Variants in RALYL observed in about 807,000 individuals in gnomAD.
RALYL encodes the protein RALY RNA binding protein like.
Under a neutral mutation model 35.1 loss-of-function variants are expected in RALYL, and 29 were observed. That is an observed-to-expected ratio of 0.83 (90% confidence interval 0.61 to 1.13). The LOEUF is 1.13. Ranked by LOEUF, RALYL falls within the 50% of genes most tolerant of loss-of-function variation. RALYL has a pLI of 0.00. For synonymous variants in RALYL, 120 were observed against 127.6 expected, an observed-to-expected ratio of 0.94 and a Z score of 0.40; for missense variants, 359 against 360.4, an observed-to-expected ratio of 1.00 and a Z score of 0.03.
At chr8:84,811,398 G>T (rs758798509) in intron 4 of RALYL, among the ~76,000 whole-genome samples, 18 of 152,124 alleles carry the variant, frequency 1.2e-4, no homozygotes, top group Non-Finnish European at 2.1e-4. Flanking sequence ...TAATCTGATA[G>T]GTTTTCCTTT....
chr8:84,345,355 A>G (rs1325214083), intron 1 of RALYL, among the ~76,000 whole-genome samples: 4 of 151,988 alleles, frequency 2.6e-5, no homozygotes, highest in Non-Finnish European at 5.9e-5. Context: ...ATTAGAAAGT[A>G]TTACCCTCCC....
chr8:84,650,219 A>G (rs551380721), intron 2 of RALYL, among the ~76,000 whole-genome samples: 53 of 152,116 alleles, frequency 3.5e-4, no homozygotes, highest in African/African-American at 1.2e-3. Context: ...CAATCATGTC[A>G]TCTGCAAACA....
chr8:84,904,522 A>G (rs1199744613), intron 8 of RALYL, among the ~76,000 whole-genome samples: 2 of 152,190 alleles, frequency 1.3e-5, no homozygotes. Flanking sequence ...ATTTCAAAAT[A>G]TGTGAACACA....
intron 2 of RALYL, among the ~76,000 whole-genome samples, chr8:84,689,638 C>T (rs1416349647): frequency 2.0e-5 from 3 of 152,038 alleles, no homozygotes; most frequent in African/African-American, 2.4e-5. Context: ...TTCTAGATCC[C>T]TGAGGAATCA....
At chr8:84,782,493 T>C (rs1372603888) in intron 3 of RALYL, among the ~76,000 whole-genome samples, 1 of 152,232 alleles carries the variant, frequency 6.6e-6, no homozygotes, top group Non-Finnish European at 1.5e-5. Context: ...CAGGTGCCAA[T>C]GAAGACAGGC....
intron 8 of RALYL, among the ~76,000 whole-genome samples, chr8:84,914,215 G>A (rs1172295961): frequency 4.6e-5 from 7 of 152,074 alleles, no homozygotes; most frequent in African/African-American, 1.4e-4. Flanking sequence ...AAATTTCAAA[G>A]TTCATAATCT....
chr8:84,325,055 G>A (rs1299012832), intron 1 of RALYL, among the ~76,000 whole-genome samples: 1 of 152,064 alleles, frequency 6.6e-6, no homozygotes. Flanking sequence ...CATAAAGATT[G>A]TTGTACTAGT....
At chr8:84,684,923 G>A (rs1434003776) in intron 2 of RALYL, among the ~76,000 whole-genome samples, 2 of 152,246 alleles carry the variant, frequency 1.3e-5, no homozygotes, top group Middle Eastern at 3.4e-3. Flanking sequence ...TCATCCAGGG[G>A]CTGGCAAAGC....
At chr8:84,401,582 G>A (rs2042903173) in intron 1 of RALYL, among the ~76,000 whole-genome samples, 1 of 135,594 alleles carries the variant, frequency 7.4e-6, no homozygotes, top group Non-Finnish European at 1.5e-5. Flanking sequence ...AGCTTGCAGT[G>A]AGCCCAGATA....
intron 1 of RALYL, among the ~76,000 whole-genome samples, chr8:84,449,171 AC>A (rs1273435006): frequency 6.6e-6 from 1 of 150,978 alleles, no homozygotes; most frequent in East Asian, 2.0e-4. Flanking sequence ...AGTTTGGGTC[AC>A]CTAAAATCTG....
chr8:84,239,841 G>A (rs761098045), intron 1 of RALYL, among the ~76,000 whole-genome samples: 2 of 152,076 alleles, frequency 1.3e-5, no homozygotes, highest in Admixed American at 6.6e-5. Flanking sequence ...CTGTGAAGCC[G>A]AGATCGCGCC....
intron 2 of RALYL, among the ~76,000 whole-genome samples, chr8:84,772,934 T>G (rs1341532506): frequency 1.3e-5 from 2 of 152,168 alleles, no homozygotes; most frequent in Non-Finnish European, 2.9e-5. Context: ...TAGACATCAT[T>G]TCTTGAAGCA....
intron 1 of RALYL, among the ~76,000 whole-genome samples, chr8:84,469,759 G>T (rs1476593239): frequency 3.9e-5 from 6 of 152,292 alleles, no homozygotes; most frequent in African/African-American, 1.4e-4. Flanking sequence ...CTTGCAGTTT[G>T]ATCTCAGACT....
At chr8:84,578,043 C>A (rs1243318142) in intron 2 of RALYL, among the ~76,000 whole-genome samples, 1 of 152,208 alleles carries the variant, frequency 6.6e-6, no homozygotes, top group East Asian at 1.9e-4. Flanking sequence ...CTCAGCCTGG[C>A]AAGTGCACTC....
At chr8:84,864,725 T>A (rs1838831198) in intron 6 of RALYL, 3 of 566,104 alleles carry the variant, frequency 5.3e-6, no homozygotes, top group South Asian at 4.9e-5. Flanking sequence ...GATACTTGAG[T>A]CAGGGAGCTT....
intron 1 of RALYL, among the ~76,000 whole-genome samples, chr8:84,202,588 G>A (rs1817133643): frequency 6.6e-6 from 1 of 151,922 alleles, no homozygotes; most frequent in Admixed American, 6.6e-5. Context: ...TGGCCAGGCT[G>A]GTCTTGAATT....
Position 84,425,345 on chromosome 8 carries a change from G to A in RALYL, c.-23-103954G>A, listed in dbSNP as rs545377779. 3.7e-4 allele frequency among the ~76,000 whole-genome samples: 57 copies of A among 152,178 alleles called. No homozygotes were observed. In the East Asian group the frequency reaches 6.2e-3, roughly 17 times the overall value. Reference sequence around the variant, plus strand: ...CGTCCGTCACCCCTTTCTTTGACTCGGAAAGGGAACTCCCTGACCCCTTGC... The same window carrying A: ...CGTCCGTCACCCCTTTCTTTGACTCAGAAAGGGAACTCCCTGACCCCTTGC... On this transcript the variant is annotated intron_variant, in intron 1 of 8. Transcript: ENST00000521268.
chr8:84,245,358 T>C (rs1337859701), intron 1 of RALYL, among the ~76,000 whole-genome samples: 1 of 152,164 alleles, frequency 6.6e-6, no homozygotes, highest in East Asian at 1.9e-4. Flanking sequence ...TAAACAATAA[T>C]TGGCAGCTTC....
chr8:84,469,485 A>C (rs2133639359), intron 1 of RALYL, among the ~76,000 whole-genome samples: 1 of 152,308 alleles, frequency 6.6e-6, no homozygotes, highest in Admixed American at 6.5e-5. Flanking sequence ...CCACTTGAGG[A>C]GGCAGTCTGC....
Sources: gnomAD v4.1 joint callset for allele counts (sites outside exome capture counted in the v4.1 genomes callset) on GRCh38, gnomAD v4.1.1 for gene constraint, MANE v1.5 for transcripts, NCBI Gene and HGNC (gene_info 2026-07-23, HGNC 2026-07-21) for gene names.